Variants in GFOD1 observed in about 807,000 individuals in gnomAD.
GFOD1 encodes glucose-fructose oxidoreductase domain-containing protein 1.
A neutral mutation model predicts 25.4 loss-of-function variants in GFOD1; 9 were observed. The ratio of observed to expected loss-of-function variants is 0.35; its 90% CI spans 0.21 to 0.62. GFOD1 has a LOEUF of 0.62. Among genes scored for constraint, GFOD1 ranks in the 20% least tolerant of loss-of-function variants. The pLI is 0.72. For synonymous variants in GFOD1, 253 were observed against 245.6 expected (o/e 1.03, Z -0.28); for missense variants, 403 against 556.9 (o/e 0.72, Z 2.78).
Position 13,361,484 on chromosome 6 carries a change from T to C in GFOD1, c.*3259A>G, listed in dbSNP as rs1182268446. The C allele has an allele frequency of 2.6e-5, 4 of 153,458 alleles. No homozygotes were observed. Among genetic ancestry groups the C allele is most frequent in the Non-Finnish European group, 5.8e-5 (4 of 69,022 alleles). 9.5% of individuals were successfully genotyped at this position (153,458 alleles called of 1,614,324 possible). On this transcript the variant is annotated 3_prime_UTR_variant, in exon 2 of 2. Transcript: ENST00000379287. ...AAGCAGAAAGGAGCCAAAAGATTGC[T>C]GGGTTTTAGTCCTAGGTCAAAGTCA...
Position 13,366,634 on chromosome 6 carries a change from AT to A in GFOD1, c.254-973del, listed in dbSNP as rs905039990. ...CAGGCGTGAGCCACTGCGCCCAGCC[AT>A]TTTTTTTTTTTAAAAGAGATGGGGT... On this transcript the variant is annotated intron_variant, in intron 1 of 1. Coordinates refer to ENST00000379287, the MANE Select transcript of GFOD1 (RefSeq NM_018988.4). Among the ~76,000 whole-genome samples the A allele has an allele frequency of 7.5e-3, 1,080 of 143,936 alleles. 15 individuals carry two copies. Among genetic ancestry groups the A allele is most frequent in the African/African-American group, 0.022 (872 of 39,386 alleles). The allele number at this position is 143,936 out of a possible 152,430, so 94.4% of individuals were successfully genotyped here.
At chr6:13,477,298 G>T (rs1432714467) in intron 1 of GFOD1, among the ~76,000 whole-genome samples, 4 of 151,468 alleles carry the variant, frequency 2.6e-5, no homozygotes, top group African/African-American at 9.7e-5. Flanking sequence ...ACAATTGTGG[G>T]GTTGGCAAGT....
At chr6:13,486,084 A>G in intron 1 of GFOD1, 1 of 985,934 alleles carries the variant, frequency 1.0e-6, no homozygotes, top group Non-Finnish European at 1.2e-6. Context: ...CACAGCAGAA[A>G]GAAACAAACG....
At position 13,364,619 on chromosome 6, in the gene GFOD1, A is replaced by T; in HGVS notation, c.*124T>A. ...GAGTTTACCTTCCTAGATGCCATTT[A>T]TTCACACTGTCCCTCCACCTCCCTG... On this transcript the variant is annotated 3_prime_UTR_variant, in exon 2 of 2. Transcript: ENST00000379287. The surrounding 1 kb of genome is among the most constrained non-coding windows in gnomAD (Gnocchi z 4.1). 1.2e-6 allele frequency: 1 copy of T among 802,492 alleles called. No individual in the cohort carries two copies. Among genetic ancestry groups the T allele is most frequent in the Non-Finnish European group, 1.9e-6 (1 of 516,330 alleles). The allele number at this position is 802,492 out of a possible 1,614,324, so 49.7% of individuals were successfully genotyped here. A position where few individuals can be genotyped will look rare whatever the true frequency, so the allele number is the denominator to read the frequency against.
intron 1 of GFOD1, among the ~76,000 whole-genome samples, chr6:13,408,716 T>C (rs1174925473): frequency 6.6e-6 from 1 of 152,190 alleles, no homozygotes; most frequent in Non-Finnish European, 1.5e-5. Flanking sequence ...GTCAGGCTGA[T>C]AGATTTGTTC....
At chr6:13,383,869 C>T (rs1785413603) in intron 1 of GFOD1, among the ~76,000 whole-genome samples, 1 of 152,182 alleles carries the variant, frequency 6.6e-6, no homozygotes, top group Non-Finnish European at 1.5e-5. Context: ...CAAGTAAGCG[C>T]TTTAAAATGT....
rs1195738735 is a variant in GFOD1, at chr6:13,390,777, G to GGAAGGAA, written c.254-25116_254-25115insTTCCTTC. On this transcript the variant is annotated intron_variant, in intron 1 of 1. Coordinates refer to ENST00000379287, the MANE Select transcript of GFOD1 (RefSeq NM_018988.4). Reference sequence around the variant, plus strand: ...AGAGAGAGAAAGAGAGAGAGAGAGAGAGAAAGGAAGGAAGGAAGGAAGGAA... The same window carrying GGAAGGAA: ...AGAGAGAGAAAGAGAGAGAGAGAGAGGAAGGAAAGAAAGGAAGGAAGGAAGGAAGGAA... 5.3e-5 allele frequency among the ~76,000 whole-genome samples: 4 copies of GGAAGGAA among 75,454 alleles called. 1 individual carries two copies. Among genetic ancestry groups the GGAAGGAA allele is most frequent in the African/African-American group, 1.9e-4 (4 of 21,326 alleles). The allele number at this position is 75,454 out of a possible 152,430, so 49.5% of individuals were successfully genotyped here.
At chr6:13,443,137 G>T (rs755051848) in intron 1 of GFOD1, among the ~76,000 whole-genome samples, 1 of 152,204 alleles carries the variant, frequency 6.6e-6, no homozygotes, top group Non-Finnish European at 1.5e-5. Flanking sequence ...AGTGGGGGAA[G>T]TCACTGCAGA....
chr6:13,390,829 A>AAGGAAGGAAG (rs1329717291), intron 1 of GFOD1, among the ~76,000 whole-genome samples: 2 of 151,644 alleles, frequency 1.3e-5, no homozygotes, highest in East Asian at 1.9e-4. Context: ...GGAAGGAAGG[A>AAGGAAGGAAG]TAATAACAGT....
At chr6:13,477,256 G>GTGT (rs1554206457) in intron 1 of GFOD1, among the ~76,000 whole-genome samples, 3 of 71,672 alleles carry the variant, frequency 4.2e-5, no homozygotes, top group Admixed American at 1.6e-4. Flanking sequence ...TGTGTGTGTA[G>GTGT]ATGAGAGATT....
chr6:13,422,044 A>C (rs938891214), intron 1 of GFOD1, among the ~76,000 whole-genome samples: 4 of 152,122 alleles, frequency 2.6e-5, no homozygotes, highest in Admixed American at 6.5e-5. Context: ...TTTCAGAAAA[A>C]CTAGGGGTTG....
chr6:13,486,153 C>G (rs1281797897), intron 1 of GFOD1: 3 of 988,846 alleles, frequency 3.0e-6, no homozygotes, highest in Non-Finnish European at 3.6e-6. Flanking sequence ...CCAAGAAAAC[C>G]CGACACACGT....
chr6:13,411,088 TTA>T (rs1786069273), intron 1 of GFOD1, among the ~76,000 whole-genome samples: 1 of 152,102 alleles, frequency 6.6e-6, no homozygotes. Context: ...TGTCATTGCG[TTA>T]TAGGACAAAT....
chr6:13,404,633 G>A (rs1323859134), intron 1 of GFOD1, among the ~76,000 whole-genome samples: 1 of 152,224 alleles, frequency 6.6e-6, no homozygotes, highest in Non-Finnish European at 1.5e-5. Flanking sequence ...AACTCGGTAT[G>A]AGCTAACTGT....
intron 1 of GFOD1, among the ~76,000 whole-genome samples, chr6:13,420,520 G>A (rs1786238227): frequency 6.6e-6 from 1 of 152,204 alleles, no homozygotes; most frequent in African/African-American, 2.4e-5. Flanking sequence ...GAGAAAAGCT[G>A]TCACCAATCG....
chr6:13,475,101 GACAA>G (rs1281033621), intron 1 of GFOD1, among the ~76,000 whole-genome samples: 5 of 152,082 alleles, frequency 3.3e-5, no homozygotes, highest in South Asian at 2.1e-4. Context: ...ATCAATAAAT[GACAA>G]ACAACCCAAT....
At chr6:13,471,102 T>C (rs375535711) in intron 1 of GFOD1, among the ~76,000 whole-genome samples, 242 of 152,278 alleles carry the variant, frequency 1.6e-3, no homozygotes, top group African/African-American at 5.1e-3. Context: ...GGAAACCCCA[T>C]TGCCCATGGA....
chr6:13,361,016 T>C lies in GFOD1; in HGVS notation c.*3727A>G. The C allele has an allele frequency of 1.1e-5, 4 of 374,364 alleles. No homozygotes were observed. Among genetic ancestry groups the C allele is most frequent in the South Asian group, 7.9e-5 (4 of 50,408 alleles). The allele number at this position is 374,364 out of a possible 1,614,324, so 23.2% of individuals were successfully genotyped here. On this transcript the variant is annotated 3_prime_UTR_variant, in exon 2 of 2. Transcript: ENST00000379287. ...CTCATGTGTATAAAAGAAATAGCAA[T>C]ACCCAACACTATAGGGTTGTTTTTA...
At chr6:13,445,844 C>A (rs1183304666) in intron 1 of GFOD1, among the ~76,000 whole-genome samples, 1 of 152,176 alleles carries the variant, frequency 6.6e-6, no homozygotes. Flanking sequence ...GTTGCACAGT[C>A]CAGACGTCCA....
Sources: gnomAD v4.1 joint callset for allele counts (sites outside exome capture counted in the v4.1 genomes callset) on GRCh38, gnomAD v4.1.1 for gene constraint, Gnocchi (gnomAD v3.1) non-coding constraint, MANE v1.5 for transcripts, NCBI Gene and HGNC (gene_info 2026-07-23, HGNC 2026-07-21) for gene names.